Variants in CDH12 observed in about 807,000 individuals in gnomAD.
CDH12 encodes the protein cadherin-12.
CDH12 carries 41 observed loss-of-function variants against 74.1 expected under a neutral mutation model. The observed-to-expected ratio is 0.55, with a 90% CI of 0.43 to 0.72. The LOEUF is 0.72. CDH12 is among the 30% of genes least tolerant of loss of function. CDH12 has a pLI of 0.00. For missense variants in CDH12, 945 were observed against 977.2 expected (o/e 0.97, Z 0.44); for synonymous variants, 399 against 355.0 (o/e 1.12, Z -1.39).
chr5:22,609,716 G>A (rs1487402), intron 1 of CDH12, among the ~76,000 whole-genome samples: 73,999 of 151,904 alleles, frequency 0.49, 18,250 homozygotes, highest in Admixed American at 0.57. Context: ...AGAAAAAAAC[G>A]TATAGCTAAT....
chr5:21,792,397 A>T (rs1345816889), intron 10 of CDH12, among the ~76,000 whole-genome samples: 1 of 151,754 alleles, frequency 6.6e-6, no homozygotes, highest in East Asian at 1.9e-4. Context: ...GCTTGTTTTA[A>T]ATGTTTGATG....
chr5:22,614,998 T>C (rs1261539339), intron 1 of CDH12, among the ~76,000 whole-genome samples: 1 of 151,906 alleles, frequency 6.6e-6, no homozygotes, highest in Non-Finnish European at 1.5e-5. Context: ...AGTGTGTCGG[T>C]GTAAGATTTC....
intron 3 of CDH12, among the ~76,000 whole-genome samples, chr5:22,299,068 G>T (rs1480894376): frequency 1.3e-5 from 2 of 152,158 alleles, no homozygotes; most frequent in Non-Finnish European, 2.9e-5. Flanking sequence ...ACTCATTTTA[G>T]AATGTGAGAT....
At chr5:22,758,931 C>T (rs1314919273) in intron 1 of CDH12, among the ~76,000 whole-genome samples, 1 of 152,100 alleles carries the variant, frequency 6.6e-6, no homozygotes, top group African/African-American at 2.4e-5. Context: ...AACCTCATTC[C>T]ATCAGGTATT....
At chr5:22,238,183 TATACACCTGCTATA>T (rs1260090453) in intron 3 of CDH12, among the ~76,000 whole-genome samples, 8 of 152,330 alleles carry the variant, frequency 5.3e-5, no homozygotes, top group Admixed American at 5.2e-4. Context: ...ACAGCACAGC[TATACACCTGCTATA>T]ACGGAGAAGA....
intron 3 of CDH12, among the ~76,000 whole-genome samples, chr5:22,238,860 T>C (rs948842242): frequency 6.6e-5 from 10 of 152,136 alleles, no homozygotes; most frequent in African/African-American, 2.4e-4. Context: ...AAATAATGAG[T>C]AGGCTTAAGT....
At chr5:22,429,040 A>G (rs1220180920) in intron 2 of CDH12, among the ~76,000 whole-genome samples, 1 of 152,102 alleles carries the variant, frequency 6.6e-6, no homozygotes. Flanking sequence ...TAATTTCTGA[A>G]GCTTCTGATT....
chr5:22,316,617 C>T (rs1738644438), intron 3 of CDH12, among the ~76,000 whole-genome samples: 1 of 152,016 alleles, frequency 6.6e-6, no homozygotes, highest in African/African-American at 2.4e-5. Flanking sequence ...TGTAAATATA[C>T]CTCATGTTTT....
At chr5:22,480,809 C>T (rs1178123146) in intron 2 of CDH12, among the ~76,000 whole-genome samples, 1 of 152,094 alleles carries the variant, frequency 6.6e-6, no homozygotes, top group Non-Finnish European at 1.5e-5. Context: ...AGGCAGGGCA[C>T]AGATCCAGGG....
chr5:22,822,931 C>T (rs1045546972), intron 1 of CDH12, among the ~76,000 whole-genome samples: 5 of 152,042 alleles, frequency 3.3e-5, no homozygotes, highest in Admixed American at 2.6e-4. Context: ...GATACATGCA[C>T]ATGTATGTTT....
chr5:22,325,554 C>A (rs1179342919), intron 3 of CDH12, among the ~76,000 whole-genome samples: 1 of 124,464 alleles, frequency 8.0e-6, no homozygotes, highest in Non-Finnish European at 1.6e-5. Context: ...ACTTCATTCA[C>A]CACTCTGAAT....
chr5:22,675,488 C>T (rs1741117022), intron 1 of CDH12, among the ~76,000 whole-genome samples: 1 of 152,188 alleles, frequency 6.6e-6, no homozygotes, highest in African/African-American at 2.4e-5. Flanking sequence ...TTTGATTCTA[C>T]AGGCTCATAG....
At chr5:22,717,130 T>C (rs1162120764) in intron 1 of CDH12, among the ~76,000 whole-genome samples, 1 of 152,148 alleles carries the variant, frequency 6.6e-6, no homozygotes, top group Admixed American at 6.6e-5. Context: ...TCTACAGTAG[T>C]GTCCACGAAT....
At chr5:22,724,850 G>T (rs1434059278) in intron 1 of CDH12, among the ~76,000 whole-genome samples, 2 of 151,470 alleles carry the variant, frequency 1.3e-5, no homozygotes, top group African/African-American at 4.8e-5. Flanking sequence ...TAAATATCTT[G>T]TTACTAAGTT....
intron 4 of CDH12, among the ~76,000 whole-genome samples, chr5:22,100,477 T>C (rs557569111): frequency 6.6e-6 from 1 of 152,228 alleles, no homozygotes; most frequent in Non-Finnish European, 1.5e-5. Flanking sequence ...ATCACACAAG[T>C]CTCACGAGAC....
At chr5:22,560,099 G>T (rs986287788) in intron 1 of CDH12, among the ~76,000 whole-genome samples, 3 of 152,236 alleles carry the variant, frequency 2.0e-5, no homozygotes, top group Non-Finnish European at 2.9e-5. Flanking sequence ...TTATATCTGT[G>T]TATTAAGGTA....
intron 1 of CDH12, among the ~76,000 whole-genome samples, chr5:22,833,304 A>G (rs1736697051): frequency 1.3e-5 from 2 of 152,194 alleles, no homozygotes; most frequent in African/African-American, 4.8e-5. Flanking sequence ...AGAAAACTGT[A>G]TTGATCATAT....
At chr5:21,780,631 AC>A (rs1745854435) in intron 11 of CDH12, among the ~76,000 whole-genome samples, 1 of 152,190 alleles carries the variant, frequency 6.6e-6, no homozygotes, top group Non-Finnish European at 1.5e-5. Context: ...TTTATTATGG[AC>A]AACATGTTTA....
At chr5:21,930,878 C>T (rs1314939695) in intron 6 of CDH12, among the ~76,000 whole-genome samples, 1 of 151,892 alleles carries the variant, frequency 6.6e-6, no homozygotes, top group Non-Finnish European at 1.5e-5. Flanking sequence ...ACAAAAATAC[C>T]TCAAATGAGC....
Sources: allele counts gnomAD v4.1 joint callset (sites outside exome capture counted in the v4.1 genomes callset), GRCh38; gene constraint gnomAD v4.1.1; transcripts MANE v1.5; gene names NCBI Gene and HGNC (gene_info 2026-07-23, HGNC 2026-07-21).